The following RORA variants were observed in gnomAD, a reference collection of about 807,000 sequenced individuals.
RORA encodes nuclear receptor ROR-alpha.
Under a neutral mutation model 69.5 loss-of-function variants are expected in RORA, and 7 were observed. That is an observed-to-expected ratio of 0.10 (90% confidence interval 0.06 to 0.19). The LOEUF (loss-of-function observed/expected upper bound fraction) is 0.19. RORA is among the 10% of genes least tolerant of loss of function. RORA has a pLI of 1.00. For missense variants in RORA, 457 were observed against 663.0 expected (o/e 0.69, Z 3.41); for synonymous variants, 261 against 240.8 (o/e 1.08, Z -0.78).
chr15:61,157,311 G>C (rs1454868041), intron 1 of RORA, among the ~76,000 whole-genome samples: 1 of 152,156 alleles, frequency 6.6e-6, no homozygotes, highest in African/African-American at 2.4e-5. Flanking sequence ...AGAGACCTCT[G>C]TGTTGGGCAT....
chr15:61,082,425 A>G (rs951435258), intron 1 of RORA, among the ~76,000 whole-genome samples: 4 of 152,116 alleles, frequency 2.6e-5, no homozygotes, highest in African/African-American at 4.8e-5. Context: ...GGAGTTGGAG[A>G]TTGCAGTGAG....
chr15:61,004,205 A>C (rs1428318615), intron 1 of RORA, among the ~76,000 whole-genome samples: 1 of 151,900 alleles, frequency 6.6e-6, no homozygotes, highest in Non-Finnish European at 1.5e-5. Context: ...TAATTTGCCA[A>C]AAAGGGGGCA....
chr15:61,168,217 CGT>C (rs1392851409), intron 1 of RORA, among the ~76,000 whole-genome samples: 4 of 147,044 alleles, frequency 2.7e-5, no homozygotes, highest in African/African-American at 1.0e-4. Context: ...TGCGTGCGTG[CGT>C]GTGTGTGTGT....
Position 60,534,418 on chromosome 15 carries a change from A to C in RORA, c.197-2567T>G, listed in dbSNP as rs2141465062. The stretch of plus-strand genomic sequence containing the variant: ...ATCTGGAGGATATTTGAGCGGAGAC[A>C]GTCACGAGATCTGTGGAGGCCAAGA... On this transcript the variant is annotated intron_variant, in intron 2 of 10. Transcript: ENST00000335670. This position sits in a 1 kb window ranked among gnomAD's most constrained non-coding sequence, Gnocchi z 5.0. 6.6e-6 allele frequency among the ~76,000 whole-genome samples: 1 copy of C among 152,260 alleles called. No individual in the cohort carries two copies. Among genetic ancestry groups the C allele is most frequent in the South Asian group, 2.1e-4 (1 of 4,814 alleles).
At chr15:60,593,536 C>T (rs973044247) in intron 2 of RORA, 1 of 152,188 alleles carries the variant, frequency 6.6e-6, no homozygotes, top group Admixed American at 6.6e-5. Flanking sequence ...ACTGTCCTTA[C>T]GGAACTGTAA....
Position 60,611,559 on chromosome 15 carries a change from C to CAAAAAAAAAAAAAAAAAAAAAAA in RORA, c.196+67075_196+67097dup, listed in dbSNP as rs533598270. On this transcript the variant is annotated intron_variant, in intron 2 of 10. Transcript: ENST00000335670. ...TTACCTCAAACAATCTTGAGTTTTGCAAAAAAAAAAAAAAAAAAAAAAAAA... is the reference window on the plus strand; with the variant it reads ...TTACCTCAAACAATCTTGAGTTTTGCAAAAAAAAAAAAAAAAAAAAAAAAAAAAAAAAAAAAAAAAAAAAAAAA... Among the ~76,000 whole-genome samples, 53 of 35,818 alleles carry CAAAAAAAAAAAAAAAAAAAAAAA rather than the reference C, an allele frequency of 1.5e-3. 23 individuals carry two copies. Among genetic ancestry groups the CAAAAAAAAAAAAAAAAAAAAAAA allele is most frequent in the African/African-American group, 1.8e-3 (16 of 8,780 alleles). 23.5% of individuals were successfully genotyped at this position (35,818 alleles called of 152,430 possible). A position where few individuals can be genotyped will look rare whatever the true frequency, so the allele number is the denominator to read the frequency against.
intron 1 of RORA, among the ~76,000 whole-genome samples, chr15:60,903,587 G>A (rs1231798045): frequency 1.3e-5 from 2 of 152,152 alleles, no homozygotes; most frequent in Non-Finnish European, 2.9e-5. Flanking sequence ...TTCAGCTGGT[G>A]AAGCTATTAT....
intron 2 of RORA, among the ~76,000 whole-genome samples, chr15:60,662,895 A>C (rs1338921492): frequency 1.3e-5 from 2 of 152,110 alleles, no homozygotes; most frequent in African/African-American, 4.8e-5. Context: ...CTGAGTGTTG[A>C]CTGCCAGTGG....
At chr15:60,589,581 A>T (rs1164000257) in intron 2 of RORA, among the ~76,000 whole-genome samples, 1 of 152,226 alleles carries the variant, frequency 6.6e-6, no homozygotes, top group Non-Finnish European at 1.5e-5. Flanking sequence ...TTTGCCCAAG[A>T]AGCAATCCAA....
chr15:60,610,929 C>T (rs1046111384), intron 2 of RORA, among the ~76,000 whole-genome samples: 1 of 152,120 alleles, frequency 6.6e-6, no homozygotes, highest in Admixed American at 6.5e-5. Flanking sequence ...TCGATAACTC[C>T]TCAGGACTGA....
chr15:60,631,810 G>C (rs1218665771), intron 2 of RORA, among the ~76,000 whole-genome samples: 1 of 152,178 alleles, frequency 6.6e-6, no homozygotes, highest in Non-Finnish European at 1.5e-5. Flanking sequence ...GTGGGTTAGA[G>C]GGAATTACTC....
intron 1 of RORA, among the ~76,000 whole-genome samples, chr15:60,735,996 A>G (rs1231671944): frequency 6.6e-6 from 1 of 152,198 alleles, no homozygotes; most frequent in Non-Finnish European, 1.5e-5. Flanking sequence ...CACACGTTTC[A>G]GCTGTTACCT....
intron 1 of RORA, among the ~76,000 whole-genome samples, chr15:60,786,960 G>A (rs1157436808): frequency 6.6e-6 from 1 of 152,228 alleles, no homozygotes; most frequent in Admixed American, 6.5e-5. Context: ...CAGGGTCAGT[G>A]TCTCAGGAAC....
rs547273703 is a variant in RORA at position 60,940,820 on chromosome 15, G to C, written c.167-262134C>G. 5.9e-5 allele frequency among the ~76,000 whole-genome samples: 9 copies of C among 152,238 alleles called. No individual in the cohort carries two copies. In the South Asian group the frequency reaches 1.9e-3, roughly 32 times the overall value. On this transcript the variant is annotated intron_variant, in intron 1 of 10. Transcript: ENST00000335670. ...CGCGTGCCTGTAGTCCCAGCTACTC[G>C]GGAGGCTGAGGCAGGGGAATTGTTT...
chr15:61,178,092 T>TC (rs2079648121), intron 1 of RORA, among the ~76,000 whole-genome samples: 1 of 152,150 alleles, frequency 6.6e-6, no homozygotes, highest in African/African-American at 2.4e-5. Context: ...TAAAAAAGAC[T>TC]CCAAGTGTTA....
At chr15:60,617,390 C>A (rs2069273111) in intron 2 of RORA, among the ~76,000 whole-genome samples, 1 of 152,092 alleles carries the variant, frequency 6.6e-6, no homozygotes, top group African/African-American at 2.4e-5. Flanking sequence ...AACACAGGAG[C>A]AAAGGGTGAA....
intron 2 of RORA, among the ~76,000 whole-genome samples, chr15:60,666,998 TTTC>T (rs2070391298): frequency 6.6e-6 from 1 of 152,176 alleles, no homozygotes; most frequent in Non-Finnish European, 1.5e-5. Flanking sequence ...AGCCACAGTT[TTTC>T]TTTTTCCTTA....
chr15:60,725,924 C>T (rs1293893321), intron 1 of RORA, among the ~76,000 whole-genome samples: 1 of 152,122 alleles, frequency 6.6e-6, no homozygotes, highest in East Asian at 1.9e-4. Context: ...AAATTCTGGT[C>T]ACAAGGTAAA....
At chr15:61,207,469 A>T (rs1375952755) in intron 1 of RORA, among the ~76,000 whole-genome samples, 1 of 152,140 alleles carries the variant, frequency 6.6e-6, no homozygotes, top group Non-Finnish European at 1.5e-5. Flanking sequence ...AGCAAATGGA[A>T]GTGCACATCG....
Sources: allele counts gnomAD v4.1 joint callset (sites outside exome capture counted in the v4.1 genomes callset), GRCh38; gene constraint gnomAD v4.1.1; non-coding constraint Gnocchi (gnomAD v3.1); transcripts MANE v1.5; gene names NCBI Gene and HGNC (gene_info 2026-07-23, HGNC 2026-07-21).